FHIT: variants seen among roughly 807,000 people sequenced by gnomAD.
The protein encoded by FHIT is bis(5'-adenosyl)-triphosphatase.
In FHIT, 19 loss-of-function variants were observed where a neutral mutation model predicts 17.9. That is an observed-to-expected ratio of 1.06 (90% CI 0.74 to 1.56). The LOEUF (loss-of-function observed/expected upper bound fraction) is 1.56, where lower values mean the gene tolerates loss of function less well. Ranked by LOEUF, FHIT falls within the 40% of genes most tolerant of loss-of-function variation. The pLI, the probability that FHIT is intolerant of heterozygous loss-of-function variation, is 0.00. For missense variants in FHIT, 248 were observed against 189.2 expected, an observed-to-expected ratio of 1.31 and a Z score of -1.82; for synonymous variants, 81 against 69.7, an observed-to-expected ratio of 1.16 and a Z score of -0.81.
intron 7 of FHIT, among the ~76,000 whole-genome samples, chr3:59,957,588 G>C (rs1477446368): frequency 2.0e-5 from 3 of 152,190 alleles, no homozygotes; most frequent in Non-Finnish European, 4.4e-5. Flanking sequence ...TCCTATTCCT[G>C]AAATAATGAT....
chr3:60,260,731 G>A (rs1363204960), intron 5 of FHIT, among the ~76,000 whole-genome samples: 2 of 152,146 alleles, frequency 1.3e-5, no homozygotes, highest in South Asian at 2.1e-4. Flanking sequence ...AGTCACAGAC[G>A]AGATAGGAGG....
intron 8 of FHIT, among the ~76,000 whole-genome samples, chr3:59,921,255 A>G (rs1314416913): frequency 6.6e-6 from 1 of 152,174 alleles, no homozygotes; most frequent in Non-Finnish European, 1.5e-5. Flanking sequence ...TCAGGGTTTG[A>G]GTTGCTGTTT....
intron 3 of FHIT, among the ~76,000 whole-genome samples, chr3:60,904,346 A>G (rs1706278756): frequency 6.6e-6 from 1 of 152,150 alleles, no homozygotes; most frequent in East Asian, 1.9e-4. Flanking sequence ...GAGATCCAAC[A>G]TGATTTGTTT....
chr3:60,011,032 G>T (rs1700116079), intron 7 of FHIT, among the ~76,000 whole-genome samples: 1 of 152,126 alleles, frequency 6.6e-6, no homozygotes, highest in Non-Finnish European at 1.5e-5. Context: ...CTTAACATGG[G>T]GCTGCACAAA....
At chr3:60,485,863 A>C (rs553309034) in intron 5 of FHIT, among the ~76,000 whole-genome samples, 6 of 152,302 alleles carry the variant, frequency 3.9e-5, no homozygotes, top group African/African-American at 1.4e-4. Context: ...CGGATTGTTC[A>C]TCTTTTCATA....
chr3:59,962,802 T>A (rs1264366600), intron 7 of FHIT, among the ~76,000 whole-genome samples: 1 of 152,212 alleles, frequency 6.6e-6, no homozygotes, highest in Non-Finnish European at 1.5e-5. Flanking sequence ...AACACAAACA[T>A]AATCTGTGGG....
chr3:61,183,509 C>A lies in FHIT; in HGVS notation c.-164+17108G>T, dbSNP rs186356116. Among the ~76,000 whole-genome samples, 549 of 152,312 alleles carry A rather than the reference C, an allele frequency of 3.6e-3. 1 individual carries two copies. Among genetic ancestry groups the A allele is most frequent in the African/African-American group, 0.013 (527 of 41,566 alleles). ...GCCTGATCAAAAGATTTGCTGCACTCTCTCTCTTAAAATGCCTCCTTGTTA... is the reference window on the plus strand; with the variant it reads ...GCCTGATCAAAAGATTTGCTGCACTATCTCTCTTAAAATGCCTCCTTGTTA... On this transcript the variant is annotated intron_variant, in intron 2 of 9. Coordinates refer to ENST00000492590, the MANE Select transcript of FHIT (RefSeq NM_002012.4).
At chr3:59,922,300 G>A (rs760178990) in intron 8 of FHIT, 46 bp downstream of exon 8, 29 of 1,452,490 alleles carry the variant, frequency 2.0e-5, no homozygotes, top group Admixed American at 5.0e-5. Flanking sequence ...TCATCCCACC[G>A]ACAGTCCCCG....
At position 60,114,442 on chromosome 3, in the gene FHIT, C is replaced by A. The variant is rs78865915; in HGVS notation, c.104-100290G>T. On this transcript the variant is annotated intron_variant, in intron 5 of 9. Coordinates refer to ENST00000492590, the MANE Select transcript of FHIT (RefSeq NM_002012.4). Reference sequence around the variant, plus strand: ...GTAAACAGGCAATTAATTGTACACACTAATACACAGAAATGGCCCTTAAAA... The same window carrying A: ...GTAAACAGGCAATTAATTGTACACAATAATACACAGAAATGGCCCTTAAAA... Among the ~76,000 whole-genome samples, 268 of 143,310 alleles carry A rather than the reference C, an allele frequency of 1.9e-3. 6 individuals carry two copies. In the East Asian group the frequency reaches 0.048, roughly 26 times the overall value. 94.0% of individuals were successfully genotyped at this position (143,310 alleles called of 152,430 possible).
At chr3:60,707,972 T>G (rs1553703960) in intron 4 of FHIT, among the ~76,000 whole-genome samples, 1 of 152,226 alleles carries the variant, frequency 6.6e-6, no homozygotes, top group African/African-American at 2.4e-5. Flanking sequence ...CGCTATAGTT[T>G]TCAATTATTT....
chr3:61,002,550 A>G (rs1252261328), intron 3 of FHIT, among the ~76,000 whole-genome samples: 1 of 152,150 alleles, frequency 6.6e-6, no homozygotes, highest in Non-Finnish European at 1.5e-5. Context: ...GGCATGAGCC[A>G]CAGGCATTAG....
At chr3:60,030,250 G>T (rs1700945430) in intron 5 of FHIT, among the ~76,000 whole-genome samples, 1 of 152,112 alleles carries the variant, frequency 6.6e-6, no homozygotes, top group East Asian at 1.9e-4. Context: ...TATGGATAAT[G>T]CGCAACAAGC....
At chr3:61,032,034 C>T (rs1010534579) in intron 3 of FHIT, among the ~76,000 whole-genome samples, 87 of 152,302 alleles carry the variant, frequency 5.7e-4, no homozygotes, top group African/African-American at 2.1e-3. Flanking sequence ...CATTTTTGAG[C>T]TATAGAACAT....
At position 60,079,109 on chromosome 3, in the gene FHIT, G is replaced by A. The variant is rs577045588; in HGVS notation, c.104-64957C>T. 2.0e-5 allele frequency among the ~76,000 whole-genome samples: 3 copies of A among 152,168 alleles called. No individual in the cohort carries two copies. In the East Asian group the frequency reaches 5.8e-4, roughly 30 times the overall value. ...TGGACAAACAAGATGGTGCTGCAAAGCTCCAACCCAAGAGCTGGCCCCTGA... is the reference window on the plus strand; with the variant it reads ...TGGACAAACAAGATGGTGCTGCAAAACTCCAACCCAAGAGCTGGCCCCTGA... On this transcript the variant is annotated intron_variant, in intron 5 of 9. Transcript: ENST00000492590.
At chr3:59,886,588 G>A (rs1034702937) in intron 8 of FHIT, among the ~76,000 whole-genome samples, 16 of 152,114 alleles carry the variant, frequency 1.1e-4, no homozygotes, top group African/African-American at 3.9e-4. Flanking sequence ...AAGCAAGAGA[G>A]AAGGGAAGAG....
At chr3:59,848,156 A>G (rs531415302) in intron 8 of FHIT, among the ~76,000 whole-genome samples, 1 of 152,214 alleles carries the variant, frequency 6.6e-6, no homozygotes, top group Non-Finnish European at 1.5e-5. Context: ...CCAGGAGTAC[A>G]TGCACAGCTG....
intron 5 of FHIT, among the ~76,000 whole-genome samples, chr3:60,308,492 A>G (rs113834920): frequency 0.22 from 12,577 of 56,400 alleles, 633 homozygotes; most frequent in South Asian, 0.27. Flanking sequence ...GTATAGGTGT[A>G]TGTGTATATA....
intron 5 of FHIT, among the ~76,000 whole-genome samples, chr3:60,031,110 G>A (rs1272181277): frequency 6.6e-6 from 1 of 152,146 alleles, no homozygotes; most frequent in East Asian, 1.9e-4. Flanking sequence ...GGAAATTTTT[G>A]TAGAGAATAA....
chr3:60,711,222 T>G (rs1464776703), intron 4 of FHIT, among the ~76,000 whole-genome samples: 2 of 152,106 alleles, frequency 1.3e-5, no homozygotes, highest in Non-Finnish European at 2.9e-5. Flanking sequence ...TCCTGTCTGT[T>G]AGAAGGAAAA....
Sources: allele counts gnomAD v4.1 joint callset (sites outside exome capture counted in the v4.1 genomes callset), GRCh38; gene constraint gnomAD v4.1.1; transcripts MANE v1.5; gene names NCBI Gene and HGNC (gene_info 2026-07-23, HGNC 2026-07-21).